ARID1B: variants seen among roughly 807,000 people sequenced by gnomAD.
ARID1B encodes the protein AT-rich interaction domain 1B.
ARID1B carries 30 observed loss-of-function variants against 212.3 expected under a neutral mutation model. That is an observed-to-expected ratio of 0.14 (90% CI 0.11 to 0.19). ARID1B has a LOEUF of 0.19. Among genes scored for constraint, ARID1B ranks in the 10% least tolerant of loss-of-function variants. ARID1B has a pLI of 1.00. For missense variants in ARID1B, 2,891 were observed against 3,204.0 expected (o/e 0.90, Z 2.36); for synonymous variants, 1,402 against 1,301.7 (o/e 1.08, Z -1.66).
intron 2 of ARID1B, among the ~76,000 whole-genome samples, chr6:156,858,980 G>A (rs1412426614): frequency 1.3e-5 from 2 of 152,102 alleles, no homozygotes; most frequent in Non-Finnish European, 2.9e-5. Flanking sequence ...GGGCATTACT[G>A]TACACTACTG....
intron 1 of ARID1B, among the ~76,000 whole-genome samples, chr6:156,807,147 CG>C (rs980135882): frequency 6.9e-5 from 9 of 131,290 alleles, no homozygotes; most frequent in African/African-American, 2.3e-4. Context: ...CACCCCCCCA[CG>C]CCCCACCCAG....
At chr6:156,790,342 CAT>C (rs1779925711) in intron 1 of ARID1B, among the ~76,000 whole-genome samples, 1 of 152,130 alleles carries the variant, frequency 6.6e-6, no homozygotes, top group South Asian at 2.1e-4. Context: ...AATTGTTGAG[CAT>C]AGAGTGATGT....
Position 156,778,496 on chromosome 6 carries a change from G to A in ARID1B, c.816G>A (p.Pro272=), listed in dbSNP as rs1425405097. 18 of 1,269,868 alleles carry A rather than the reference G, an allele frequency of 1.4e-5. No homozygotes were observed. The highest frequency in any genetic ancestry group is 1.8e-5 in the Non-Finnish European group (18 of 1,013,680). 78.7% of individuals were successfully genotyped at this position (1,269,868 alleles called of 1,614,324 possible). A position where few individuals can be genotyped will look rare whatever the true frequency, so the allele number is the denominator to read the frequency against. ...AGCCGGGCGACGAGGACGACGCGCC[G>A]CCCAAGATGGGGGAGCCGGCGGGCG... ...LSKPGDEDDA[P]PKMGEPAGGR... Residue 272 remains proline (P), a synonymous_variant, in exon 1 of 20, where the codon CCG becomes CCA. Transcript: ENST00000636930.
At chr6:157,192,171 T>C (rs1793426291) in intron 15 of ARID1B, among the ~76,000 whole-genome samples, 2 of 152,202 alleles carry the variant, frequency 1.3e-5, no homozygotes, top group Admixed American at 1.3e-4. Context: ...GTAGCTGTTT[T>C]TCTTAGTGGT....
chr6:156,776,115 T>A (rs1334699150), upstream of ARID1B, among the ~76,000 whole-genome samples: 1 of 152,218 alleles, frequency 6.6e-6, no homozygotes, highest in Admixed American at 6.5e-5. Flanking sequence ...AAAACTATAC[T>A]CTACCAAAAC....
chr6:157,199,036 A>G lies in ARID1B; in HGVS notation c.4479+129A>G, dbSNP rs1209643003. 14 of 758,978 alleles carry G rather than the reference A, an allele frequency of 1.8e-5. No homozygotes were observed. The East Asian group carries it at 3.9e-4, about 21-fold the overall frequency. The allele number at this position is 758,978 out of a possible 1,614,324, so 47.0% of individuals were successfully genotyped here. A position where few individuals can be genotyped will look rare whatever the true frequency, so the allele number is the denominator to read the frequency against. ...AATGATTAGTGTTTGTTGAGCATTC[A>G]GGATATAGTTAATGCTAGAAAGTAC... On this transcript the variant is annotated intron_variant, in intron 17 of 19. Transcript: ENST00000636930.
intron 4 of ARID1B, among the ~76,000 whole-genome samples, chr6:156,994,538 A>G (rs1778471656): frequency 6.6e-6 from 1 of 152,224 alleles, no homozygotes; most frequent in African/African-American, 2.4e-5. Context: ...TTTCCTAGGT[A>G]AAAACCAGTC....
chr6:156,926,565 G>C (rs1791232253), intron 3 of ARID1B, among the ~76,000 whole-genome samples: 1 of 152,154 alleles, frequency 6.6e-6, no homozygotes. Flanking sequence ...AATGTAAACA[G>C]AAGTAGATAA....
intron 4 of ARID1B, among the ~76,000 whole-genome samples, chr6:156,954,389 G>C (rs1452116728): frequency 6.6e-6 from 1 of 152,020 alleles, no homozygotes; most frequent in Non-Finnish European, 1.5e-5. Flanking sequence ...GAAGCAATAT[G>C]CTCTGACATA....
At chr6:156,905,732 A>G (rs573985273) in intron 3 of ARID1B, among the ~76,000 whole-genome samples, 54 of 152,266 alleles carry the variant, frequency 3.5e-4, no homozygotes, top group African/African-American at 1.3e-3. Context: ...CTGATGGGGT[A>G]GTATATCCTC....
rs932511251 is a variant in ARID1B, at chr6:157,148,542, A to G, written c.2762-82A>G. ...ATGACTAATACTCCGTGCTGATCGC[A>G]TTGTTGGACAAAAAGTATTTCCAGT... On this transcript the variant is annotated intron_variant, in intron 7 of 19. Transcript: ENST00000636930. This position sits in a 1 kb window ranked among gnomAD's most constrained non-coding sequence, Gnocchi z 5.6. The G allele has an allele frequency of 1.4e-6, 2 of 1,458,228 alleles. No homozygotes were observed. Among genetic ancestry groups the G allele is most frequent in the Non-Finnish European group, 1.9e-6 (2 of 1,073,304 alleles). 90.3% of individuals were successfully genotyped at this position (1,458,228 alleles called of 1,614,324 possible).
chr6:156,812,981 T>TAC (rs1781676080), intron 1 of ARID1B, among the ~76,000 whole-genome samples: 4 of 147,664 alleles, frequency 2.7e-5, no homozygotes, highest in East Asian at 1.9e-4. Context: ...TGTGTGTATG[T>TAC]ATATACATAC....
chr6:156,837,004 G>T (rs2128071340), intron 2 of ARID1B, among the ~76,000 whole-genome samples: 1 of 152,332 alleles, frequency 6.6e-6, no homozygotes, highest in South Asian at 2.1e-4. Flanking sequence ...CAGCAGTCTT[G>T]TGAAATGTAT....
chr6:157,024,268 C>G (rs1000588941), intron 4 of ARID1B: 1 of 152,214 alleles, frequency 6.6e-6, no homozygotes, highest in African/African-American at 2.4e-5. Context: ...TTTATAAACT[C>G]TTAGAAAAAC....
chr6:156,918,437 G>C (rs1790530535), intron 3 of ARID1B, among the ~76,000 whole-genome samples: 1 of 152,058 alleles, frequency 6.6e-6, no homozygotes, highest in South Asian at 2.1e-4. Context: ...GACATATATA[G>C]TTTGTTGCCA....
chr6:157,099,668 A>G (rs945173188), intron 5 of ARID1B, among the ~76,000 whole-genome samples: 1 of 152,166 alleles, frequency 6.6e-6, no homozygotes, highest in African/African-American at 2.4e-5. Flanking sequence ...TCTGTTTTCT[A>G]CCTGTTGGCT....
chr6:157,141,017 G>C (rs529923711), intron 7 of ARID1B: 1 of 214,696 alleles, frequency 4.7e-6, no homozygotes, highest in Non-Finnish European at 9.1e-6. Flanking sequence ...CATGTAAGAG[G>C]CCCTTAATAA....
intron 11 of ARID1B, among the ~76,000 whole-genome samples, chr6:157,178,517 G>T (rs1230472032): frequency 6.6e-6 from 1 of 152,178 alleles, no homozygotes; most frequent in African/African-American, 2.4e-5. Context: ...AGCCAGCCTC[G>T]GGAGGCCTCT....
chr6:156,936,435 A>G (rs1484443177), intron 4 of ARID1B: 2 of 151,804 alleles, frequency 1.3e-5, no homozygotes, highest in Non-Finnish European at 2.9e-5. Context: ...AGTAGTGGCT[A>G]TTATATGGGG....
Sources: gnomAD v4.1 joint callset for allele counts (sites outside exome capture counted in the v4.1 genomes callset) on GRCh38, gnomAD v4.1.1 for gene constraint, Gnocchi (gnomAD v3.1) non-coding constraint, MANE v1.5 for transcripts, NCBI Gene and HGNC (gene_info 2026-07-23, HGNC 2026-07-21) for gene names.